Variants in PAPPA2 observed in about 807,000 individuals in gnomAD.
PAPPA2 encodes the protein pappalysin-2.
In PAPPA2, 86 loss-of-function variants were observed where a neutral mutation model predicts 176.4. That is an observed-to-expected ratio of 0.49 (90% CI 0.41 to 0.58). The LOEUF (loss-of-function observed/expected upper bound fraction) is 0.58, where lower values mean the gene tolerates loss of function less well. Ranked by LOEUF, PAPPA2 falls within the 20% of genes least tolerant of loss-of-function variation. PAPPA2 has a pLI of 0.00. For missense variants in PAPPA2, 2,073 were observed against 2,256.9 expected (o/e 0.92, Z 1.65); for synonymous variants, 809 against 852.2 (o/e 0.95, Z 0.88).
intron 2 of PAPPA2, among the ~76,000 whole-genome samples, chr1:176,564,819 C>T (rs1369548801): frequency 6.7e-6 from 1 of 148,932 alleles, no homozygotes. Flanking sequence ...AGTATTCTTA[C>T]AGACTTATCT....
chr1:176,631,438 T>TA (rs1461630441), intron 3 of PAPPA2, among the ~76,000 whole-genome samples: 2 of 152,232 alleles, frequency 1.3e-5, no homozygotes, highest in Admixed American at 6.5e-5. Context: ...TTTGTGGCAA[T>TA]AAAAAATATT....
intron 2 of PAPPA2, among the ~76,000 whole-genome samples, chr1:176,591,007 T>A (rs1037698230): frequency 6.6e-6 from 1 of 151,414 alleles, no homozygotes; most frequent in African/African-American, 2.4e-5. Context: ...TACAAAAGAT[T>A]TATTTGGAAA....
chr1:176,789,573 G>A (rs953409025), intron 17 of PAPPA2, among the ~76,000 whole-genome samples: 6 of 152,088 alleles, frequency 3.9e-5, no homozygotes, highest in African/African-American at 1.4e-4. Flanking sequence ...TTTAAAAAAA[G>A]AGTAATAGAT....
intron 4 of PAPPA2, among the ~76,000 whole-genome samples, chr1:176,685,208 A>G (rs749555594): frequency 6.6e-6 from 1 of 152,086 alleles, no homozygotes; most frequent in East Asian, 1.9e-4. Context: ...ATATATTTTG[A>G]GTTTCTTTGT....
intron 3 of PAPPA2, among the ~76,000 whole-genome samples, chr1:176,632,228 GATGTGTGTGT>G (rs1469997067): frequency 1.5e-5 from 2 of 137,772 alleles, no homozygotes; most frequent in African/African-American, 3.1e-5. Flanking sequence ...AATTAGTAGT[GATGTGTGTGT>G]GTGTGTGTGT....
At chr1:176,573,336 G>A (rs893741279) in intron 2 of PAPPA2, among the ~76,000 whole-genome samples, 1 of 152,122 alleles carries the variant, frequency 6.6e-6, no homozygotes, top group Admixed American at 6.6e-5. Flanking sequence ...CCTACAGGTA[G>A]CTCTCCACTT....
At position 176,668,955 on chromosome 1, in the gene PAPPA2, G is replaced by T. The variant is rs140924176; in HGVS notation, c.1992-2015G>T. ...GAGATGAGGAGAACCAGCTAATGAG[G>T]TTGGTGTGGAGGAGGAGGCCCCTCG... On this transcript the variant is annotated intron_variant, in intron 3 of 22. Coordinates refer to ENST00000367662, the MANE Select transcript of PAPPA2 (RefSeq NM_020318.3). Among the ~76,000 whole-genome samples the T allele has an allele frequency of 3.2e-3, 482 of 152,202 alleles. 4 individuals are homozygous for T. The highest frequency in any genetic ancestry group is 0.011 in the African/African-American group (452 of 41,538).
chr1:176,676,153 C>G (rs965727625), intron 4 of PAPPA2, among the ~76,000 whole-genome samples: 10 of 152,046 alleles, frequency 6.6e-5, no homozygotes, highest in Admixed American at 6.6e-5. Flanking sequence ...GGCACAGCCA[C>G]TCGAGAATAC....
chr1:176,764,115 A>G (rs1558568572), intron 14 of PAPPA2, among the ~76,000 whole-genome samples: 1 of 152,124 alleles, frequency 6.6e-6, no homozygotes. Flanking sequence ...TTCAGTCACT[A>G]CCACAAGAAC....
intron 11 of PAPPA2, 44 bp downstream of exon 11, chr1:176,710,220 TA>T: frequency 6.5e-7 from 1 of 1,546,112 alleles, no homozygotes; most frequent in African/African-American, 1.4e-5. Flanking sequence ...CGCAAAATTG[TA>T]AAGTGACTCC....
intron 2 of PAPPA2, among the ~76,000 whole-genome samples, chr1:176,566,646 A>G (rs1651999142): frequency 6.6e-6 from 1 of 152,208 alleles, no homozygotes; most frequent in African/African-American, 2.4e-5. Flanking sequence ...TGACAGAGGC[A>G]GGGCTGGAAA....
intron 1 of PAPPA2, among the ~76,000 whole-genome samples, chr1:176,534,391 TC>T (rs1403963728): frequency 2.6e-5 from 4 of 152,180 alleles, no homozygotes; most frequent in Non-Finnish European, 5.9e-5. Flanking sequence ...GTATCCATGA[TC>T]CCTAGCTTCC....
chr1:176,699,656 C>G (rs1425602540), intron 8 of PAPPA2, 67 bp downstream of exon 8: 1 of 1,519,192 alleles, frequency 6.6e-7, no homozygotes. Context: ...ACTTTTCCCC[C>G]ACTTTTTAAT....
intron 2 of PAPPA2, among the ~76,000 whole-genome samples, chr1:176,573,811 G>A (rs1573062208): frequency 1.3e-5 from 2 of 152,262 alleles, no homozygotes; most frequent in South Asian, 2.1e-4. Flanking sequence ...TCCCTAGTAG[G>A]TAATATCAAA....
At position 176,594,648 on chromosome 1, in the gene PAPPA2, G is replaced by A; in HGVS notation, c.1044G>A (p.Lys348=). ...FFFSLCTDRV[K]KATILISHSR... is the part of the protein sequence containing the mutation. ...TCTCCCTCTGCACCGACCGCGTGAAGAAAGCCACCATCTTGATTAGCCACA... is the reference window on the plus strand; with the variant it reads ...TCTCCCTCTGCACCGACCGCGTGAAAAAAGCCACCATCTTGATTAGCCACA... Residue 348 remains lysine (K), a synonymous_variant, in exon 3 of 23, where the codon AAG becomes AAA. Transcript: ENST00000367662. 1 of 1,614,240 alleles carries A rather than the reference G, an allele frequency of 6.2e-7. No homozygotes were observed. The highest frequency in any genetic ancestry group is 8.5e-7 in the Non-Finnish European group (1 of 1,180,046).
intron 4 of PAPPA2, among the ~76,000 whole-genome samples, chr1:176,680,884 T>C (rs1659553424): frequency 6.6e-6 from 1 of 152,218 alleles, no homozygotes; most frequent in South Asian, 2.1e-4. Flanking sequence ...TTCTCATTTA[T>C]AGCTGTAAGT....
intron 14 of PAPPA2, 67 bp from the exon 15 acceptor site, chr1:176,765,599 C>A (rs1663926097): frequency 6.7e-7 from 1 of 1,501,240 alleles, no homozygotes; most frequent in Non-Finnish European, 9.1e-7. Flanking sequence ...GATGGAGCTG[C>A]AAAGTCATTG....
intron 14 of PAPPA2, among the ~76,000 whole-genome samples, chr1:176,750,080 G>A (rs1023319636): frequency 6.6e-6 from 1 of 152,088 alleles, no homozygotes; most frequent in Non-Finnish European, 1.5e-5. Context: ...CATAAATATT[G>A]TTGTAAAGAA....
intron 15 of PAPPA2, among the ~76,000 whole-genome samples, chr1:176,769,281 A>G (rs1664114311): frequency 6.6e-6 from 1 of 152,162 alleles, no homozygotes; most frequent in African/African-American, 2.4e-5. Flanking sequence ...AACCCACTGG[A>G]GTCAGTTTCC....
Sources: gnomAD v4.1 joint callset for allele counts (sites outside exome capture counted in the v4.1 genomes callset) on GRCh38, gnomAD v4.1.1 for gene constraint, MANE v1.5 for transcripts, NCBI Gene and HGNC (gene_info 2026-07-23, HGNC 2026-07-21) for gene names.